Variants in PUS1 observed in about 807,000 individuals in gnomAD.
PUS1 encodes pseudouridine synthase 1, also known as pseudouridylate synthase 1 homolog.
In PUS1, 25 loss-of-function variants were observed where a neutral mutation model predicts 38.5. The observed-to-expected ratio is 0.65, with a 90% confidence interval of 0.47 to 0.91. The LOEUF is 0.91. Among genes scored for constraint, PUS1 ranks in the 40% least tolerant of loss-of-function variants. The pLI, the probability that PUS1 is intolerant of heterozygous loss-of-function variation, is 0.00. For synonymous variants in PUS1, 282 were observed against 260.4 expected (o/e 1.08, Z -0.80); for missense variants, 597 against 612.3 (o/e 0.97, Z 0.26).
intron 5 of PUS1, among the ~76,000 whole-genome samples, chr12:131,942,688 G>C (rs1593298045): frequency 6.6e-6 from 1 of 152,250 alleles, no homozygotes; most frequent in Admixed American, 6.5e-5. Flanking sequence ...TTACAGTCGT[G>C]AGCCACTGCG....
rs1488310552 is a variant in PUS1, at chr12:131,939,219, TTGAC to T, written c.489_492del (p.Ile163MetfsTer4). 1 of 1,562,738 alleles carries T rather than the reference TTGAC, an allele frequency of 6.4e-7. No homozygotes were observed. The highest frequency in any genetic ancestry group is 1.9e-5 in the Admixed American group (1 of 53,942). On this transcript the variant is annotated frameshift_variant, in exon 4 of 6. Coordinates refer to ENST00000376649, the MANE Select transcript of PUS1 (RefSeq NM_025215.6). LOFTEE classifies it high-confidence loss of function. Reference sequence around the variant, plus strand: ...GTGGTATCCCTGAAGGTGTGGCTGATTGACGACATTCTAGAAAAGATCAACAGCC... The same window carrying T: ...GTGGTATCCCTGAAGGTGTGGCTGATGACATTCTAGAAAAGATCAACAGCC...
intron 3 of PUS1, 95 bp from the exon 4 acceptor site, chr12:131,939,078 A>G: frequency 1.2e-6 from 1 of 816,014 alleles, no homozygotes; most frequent in Non-Finnish European, 2.1e-6. Context: ...TCATGTGTGA[A>G]ATGACGTAAG....
At chr12:131,936,373 G>A (rs1230258326) in intron 3 of PUS1, among the ~76,000 whole-genome samples, 1 of 151,850 alleles carries the variant, frequency 6.6e-6, no homozygotes. Flanking sequence ...GACCAGCCTG[G>A]TCAATATGGC....
At chr12:131,932,100 C>G in intron 2 of PUS1, 75 bp from the exon 3 acceptor site, 2 of 1,380,472 alleles carry the variant, frequency 1.4e-6, no homozygotes, top group Non-Finnish European at 2.0e-6. Flanking sequence ...GCCAGGAGTT[C>G]GAGACCAGCC....
At position 131,929,746 on chromosome 12, in the gene PUS1, G is replaced by T; in HGVS notation, c.24G>T (p.Leu8=). The T allele has an allele frequency of 6.3e-7, 1 of 1,593,330 alleles. No homozygotes were observed. Among genetic ancestry groups the T allele is most frequent in the East Asian group, 2.3e-5 (1 of 43,950 alleles). ...GCATGGGCCTCCAGCTTCGCGCGCT[G>T]TTGGGAGCCTTCGGACGGTGGACCC... The part of the protein sequence containing the change: MGLQLRA[L]LGAFGRWTLR... Residue 8 remains leucine (L), a synonymous_variant, in exon 1 of 6, where the codon CTG becomes CTT. Coordinates refer to ENST00000376649, the MANE Select transcript of PUS1 (RefSeq NM_025215.6).
intron 3 of PUS1, 107 bp downstream of exon 3, chr12:131,932,419 T>A: frequency 7.4e-7 from 1 of 1,345,288 alleles, no homozygotes; most frequent in Non-Finnish European, 1.0e-6. Context: ...CACATAATGA[T>A]GTACAAATCA....
rs990664870 is a variant in PUS1 at position 131,944,197 on chromosome 12, C to CAA, written c.*624_*625dup. ...AGGCTGCCCTGATTGCCACTGCACTCAAAAAAAAAAAAAACAACAACAACC... is the reference window on the plus strand; with the variant it reads ...AGGCTGCCCTGATTGCCACTGCACTCAAAAAAAAAAAAAAAACAACAACAACC... On this transcript the variant is annotated 3_prime_UTR_variant, in exon 6 of 6. Transcript: ENST00000376649. 2.0e-4 allele frequency: 25 copies of CAA among 126,284 alleles called. No individual in the cohort carries two copies. Among genetic ancestry groups the CAA allele is most frequent in the Admixed American group, 8.8e-4 (11 of 12,550 alleles). 7.8% of individuals were successfully genotyped at this position (126,284 alleles called of 1,614,324 possible). A position where few individuals can be genotyped will look rare whatever the true frequency, so the allele number is the denominator to read the frequency against.
At position 131,943,832 on chromosome 12, in the gene PUS1, TAAAC is replaced by T. The variant is rs1271395663; in HGVS notation, c.*249_*252del. 6.0e-6 allele frequency: 3 copies of T among 497,118 alleles called. No individual in the cohort carries two copies. The East Asian group carries it at 1.1e-4, about 18-fold the overall frequency. The allele number at this position is 497,118 out of a possible 1,614,324, so 30.8% of individuals were successfully genotyped here. On this transcript the variant is annotated 3_prime_UTR_variant, in exon 6 of 6. Coordinates refer to ENST00000376649, the MANE Select transcript of PUS1 (RefSeq NM_025215.6). ...TTTTTTAAAGAAGTGATTTTCTTATTAAACAAGTACAAATTTTGCTTAGTCAATC... is the reference window on the plus strand; with the variant it reads ...TTTTTTAAAGAAGTGATTTTCTTATTAAGTACAAATTTTGCTTAGTCAATC...
Position 131,945,058 on chromosome 12 carries a change from C to T in PUS1, c.*1472C>T, listed in dbSNP as rs1394924921. The T allele has an allele frequency of 2.0e-5, 3 of 152,320 alleles. No individual in the cohort carries two copies. The highest frequency in any genetic ancestry group is 4.4e-5 in the Non-Finnish European group (3 of 68,066). The allele number at this position is 152,320 out of a possible 1,614,324, so 9.4% of individuals were successfully genotyped here. A position where few individuals can be genotyped will look rare whatever the true frequency, so the allele number is the denominator to read the frequency against. On this transcript the variant is annotated 3_prime_UTR_variant, in exon 6 of 6. Coordinates refer to ENST00000376649, the MANE Select transcript of PUS1 (RefSeq NM_025215.6). ...GCGCACGTGACCAATGCACGAGTGC[C>T]TGATGCCCCAGCGGTGCACACAACT...
rs142044204 is a variant in PUS1 at position 131,941,368 on chromosome 12, G to T, written c.621G>T (p.Thr207=). The change falls in exon 5 of 6, where the codon ACG becomes ACT. Residue 207 remains threonine, a synonymous_variant. Transcript: ENST00000376649. The surrounding 1 kb of genome is among the most constrained non-coding windows in gnomAD (Gnocchi z 4.4). ...DARTYCYLLP[T]FAFAHKDRDV... ...GGACCTATTGCTACCTGCTGCCCAC[G>T]TTTGCCTTTGCGCACAAGGACCGGG... 1 of 1,614,196 alleles carries T rather than the reference G, an allele frequency of 6.2e-7. No individual in the cohort carries two copies. Among genetic ancestry groups the T allele is most frequent in the Admixed American group, 1.7e-5 (1 of 60,024 alleles).
At chr12:131,939,001 A>G (rs953351302) in intron 3 of PUS1, among the ~76,000 whole-genome samples, 172 bp from the exon 4 acceptor site, 17 of 152,198 alleles carry the variant, frequency 1.1e-4, no homozygotes, top group African/African-American at 4.1e-4. Context: ...TCGGCCTCCC[A>G]AAGTACTGGG....
chr12:131,933,767 G>C (rs971989450), intron 3 of PUS1, among the ~76,000 whole-genome samples: 2 of 152,232 alleles, frequency 1.3e-5, no homozygotes, highest in Admixed American at 6.5e-5. Context: ...GGGCCTGTGG[G>C]TTTTCTCTTC....
chr12:131,930,830 G>C (rs374305224), intron 2 of PUS1, among the ~76,000 whole-genome samples: 7 of 152,090 alleles, frequency 4.6e-5, no homozygotes, highest in African/African-American at 1.7e-4. Flanking sequence ...GTCTTGCTAA[G>C]TTTTTTATTA....
chr12:131,930,708 C>T (rs2136430543), intron 2 of PUS1, among the ~76,000 whole-genome samples: 1 of 152,262 alleles, frequency 6.6e-6, no homozygotes, highest in Middle Eastern at 3.4e-3. Flanking sequence ...GCTGCAGCCT[C>T]CACCTCCTGG....
rs764556664 is a variant in PUS1 at position 131,941,595 on chromosome 12, G to A, written c.848G>A (p.Arg283Lys). Residue 283 changes from arginine to lysine, a missense_variant, in exon 5 of 6, where the codon AGG (arginine) becomes AAG (lysine). Arg to Lys is a conservative substitution (Grantham distance 26). Coordinates refer to ENST00000376649, the MANE Select transcript of PUS1 (RefSeq NM_025215.6). This position sits in a 1 kb window ranked among gnomAD's most constrained non-coding sequence, Gnocchi z 4.4. ...VREGLEFAVI[R>K]VKGQSFMMHQ... ...GAGGGCCTGGAGTTTGCGGTGATCA[G>A]GGTGAAGGGCCAGAGCTTCATGATG... The A allele has an allele frequency of 1.1e-5, 18 of 1,614,102 alleles. No homozygotes were observed. The highest frequency in any genetic ancestry group is 1.1e-4 in the African/African-American group (8 of 74,936).
intron 3 of PUS1, among the ~76,000 whole-genome samples, chr12:131,934,071 A>G (rs1038497339): frequency 1.3e-5 from 2 of 152,224 alleles, no homozygotes; most frequent in African/African-American, 2.4e-5. Context: ...CATTTCTTCT[A>G]TGCACTTATC....
At chr12:131,931,915 G>A (rs1447934199) in intron 2 of PUS1, 1 of 602,800 alleles carries the variant, frequency 1.7e-6, no homozygotes, top group African/African-American at 1.9e-5. Context: ...GATTGTGGAA[G>A]TAGGTGTATG....
chr12:131,932,888 A>T (rs1437619278), intron 3 of PUS1: 1 of 423,648 alleles, frequency 2.4e-6, no homozygotes, highest in Non-Finnish European at 4.7e-6. Context: ...AAGATTGGGC[A>T]GTTTATAAAG....
intron 2 of PUS1, among the ~76,000 whole-genome samples, chr12:131,931,307 C>T (rs544078178): frequency 3.0e-4 from 45 of 152,162 alleles, no homozygotes; most frequent in African/African-American, 1.1e-3. Flanking sequence ...TACAGGCGCT[C>T]GCCACCACGC....
Sources: gnomAD v4.1 joint callset for allele counts (sites outside exome capture counted in the v4.1 genomes callset) on GRCh38, gnomAD v4.1.1 for gene constraint, Gnocchi (gnomAD v3.1) non-coding constraint, MANE v1.5 for transcripts, NCBI Gene and HGNC (gene_info 2026-07-23, HGNC 2026-07-21) for gene names.